The following TSEN2 variants were observed in gnomAD, a reference collection of about 807,000 sequenced individuals.
TSEN2 encodes the protein tRNA splicing endonuclease subunit 2.
TSEN2 carries 54 observed loss-of-function variants against 59.2 expected under a neutral mutation model. The ratio of observed to expected loss-of-function variants is 0.91; its 90% CI spans 0.73 to 1.14. The LOEUF (loss-of-function observed/expected upper bound fraction) is 1.14. Ranked by LOEUF, TSEN2 falls within the 50% of genes most tolerant of loss-of-function variation. The pLI is 0.00. For missense variants in TSEN2, 636 were observed against 576.2 expected (o/e 1.10, Z -1.06); for synonymous variants, 195 against 198.2 (o/e 0.98, Z 0.14).
chr3:12,512,413 C>T (rs1445392329), intron 6 of TSEN2, among the ~76,000 whole-genome samples: 1 of 152,198 alleles, frequency 6.6e-6, no homozygotes, highest in Admixed American at 6.5e-5. Context: ...CAGCTAATGA[C>T]ATTCAGTGAT....
At chr3:12,516,112 G>A (rs1206138225) in intron 6 of TSEN2, among the ~76,000 whole-genome samples, 3 of 151,988 alleles carry the variant, frequency 2.0e-5, no homozygotes, top group Non-Finnish European at 4.4e-5. Flanking sequence ...ACATTTGAAT[G>A]AACCATTTAT....
At chr3:12,528,966 A>G (rs922256102) in intron 9 of TSEN2, 42 bp downstream of exon 9, 14 of 1,610,170 alleles carry the variant, frequency 8.7e-6, no homozygotes, top group Non-Finnish European at 8.5e-6. Flanking sequence ...TTAAAGGGAC[A>G]CAAGGAATTT....
At chr3:12,524,552 T>G (rs2056924421) in intron 8 of TSEN2, among the ~76,000 whole-genome samples, 1 of 152,160 alleles carries the variant, frequency 6.6e-6, no homozygotes, top group Admixed American at 6.6e-5. Context: ...CACTTGACAT[T>G]AGATTTAGGG....
intron 8 of TSEN2, among the ~76,000 whole-genome samples, chr3:12,525,034 G>A (rs954873431): frequency 2.6e-5 from 4 of 152,074 alleles, no homozygotes; most frequent in African/African-American, 7.2e-5. Flanking sequence ...ATGAGCCACC[G>A]TGCCTGGCCT....
At chr3:12,502,848 C>A (rs1300694955) in intron 4 of TSEN2, among the ~76,000 whole-genome samples, 3 of 151,742 alleles carry the variant, frequency 2.0e-5, no homozygotes, top group African/African-American at 7.3e-5. Flanking sequence ...CCAAGGCGGG[C>A]GGATCGTGAG....
chr3:12,481,926 T>TGC (rs753987964), upstream of TSEN2, among the ~76,000 whole-genome samples: 1 of 34,860 alleles, frequency 2.9e-5, no homozygotes, highest in African/African-American at 5.5e-4. Flanking sequence ...TGTCTGCGTA[T>TGC]ATATATATAT....
chr3:12,516,062 G>T (rs1021242039), intron 6 of TSEN2, among the ~76,000 whole-genome samples: 1 of 152,026 alleles, frequency 6.6e-6, no homozygotes, highest in Non-Finnish European at 1.5e-5. Context: ...AAGCCAGTTT[G>T]TAACATTTGT....
Position 12,531,428 on chromosome 3 carries a change from G to A in TSEN2, c.1249-142G>A, listed in dbSNP as rs960211073. The A allele has an allele frequency of 6.3e-6, 4 of 634,430 alleles. No homozygotes were observed. The African/African-American group carries it at 7.3e-5, about 12-fold the overall frequency. The allele number at this position is 634,430 out of a possible 1,614,324, so 39.3% of individuals were successfully genotyped here. ...GTAAATCCCAGTTATGGTTTCCCCA[G>A]GAGGAAACTGATGTGCTCTGTGAGT... On this transcript the variant is annotated intron_variant, in intron 10 of 11. Transcript: ENST00000284995.
intron 6 of TSEN2, chr3:12,511,018 T>C (rs1014225008): frequency 2.6e-5 from 4 of 152,208 alleles, no homozygotes; most frequent in African/African-American, 9.6e-5. Context: ...GGTTTTGTTT[T>C]AAAAGCCTTT....
intron 1 of TSEN2, among the ~76,000 whole-genome samples, chr3:12,488,267 A>T (rs2052837270): frequency 6.6e-6 from 1 of 152,176 alleles, no homozygotes; most frequent in South Asian, 2.1e-4. Flanking sequence ...AATTAGTCTT[A>T]TTTTTTCCCT....
chr3:12,532,220 C>T (rs1261261951), intron 11 of TSEN2, among the ~76,000 whole-genome samples: 4 of 152,178 alleles, frequency 2.6e-5, no homozygotes, highest in African/African-American at 7.2e-5. Flanking sequence ...ACCTGCTGGT[C>T]GGTCTCCAGG....
At chr3:12,481,336 A>G (rs1437356742), upstream of TSEN2, among the ~76,000 whole-genome samples, 1 of 152,144 alleles carries the variant, frequency 6.6e-6, no homozygotes, top group Non-Finnish European at 1.5e-5. Context: ...TCACTGTCAC[A>G]GTCATCTGCA....
At chr3:12,521,782 C>T (rs377163179) in intron 8 of TSEN2, among the ~76,000 whole-genome samples, 10 of 152,150 alleles carry the variant, frequency 6.6e-5, no homozygotes, top group Admixed American at 5.2e-4. Context: ...GAGGCTGAGG[C>T]GGGCTGATCA....
At chr3:12,498,956 G>C (rs299646) in intron 4 of TSEN2, among the ~76,000 whole-genome samples, 97,986 of 152,020 alleles carry the variant, frequency 0.64, 34,163 homozygotes, top group African/African-American at 0.91. Flanking sequence ...GAGACAGGGT[G>C]TCGCTCTTGC....
chr3:12,486,719 C>G (rs891978716), intron 1 of TSEN2, among the ~76,000 whole-genome samples: 1 of 152,198 alleles, frequency 6.6e-6, no homozygotes. Flanking sequence ...GTCGCCCCCC[C>G]ATTTCCCACT....
At chr3:12,519,484 G>A (rs1465719650) in intron 8 of TSEN2, among the ~76,000 whole-genome samples, 2 of 152,160 alleles carry the variant, frequency 1.3e-5, no homozygotes, top group Admixed American at 6.5e-5. Flanking sequence ...CGTGGCTTAC[G>A]CATGTAATCC....
intron 8 of TSEN2, among the ~76,000 whole-genome samples, chr3:12,520,002 CTT>C (rs57040794): frequency 6.8e-6 from 1 of 146,136 alleles, no homozygotes; most frequent in African/African-American, 2.5e-5. Flanking sequence ...CGCTTACTGT[CTT>C]TTTTTTTTTT....
intron 6 of TSEN2, among the ~76,000 whole-genome samples, chr3:12,510,895 G>A (rs943702315): frequency 1.1e-4 from 17 of 152,132 alleles, no homozygotes; most frequent in African/African-American, 3.6e-4. Flanking sequence ...TTACAGCAGA[G>A]CCTTTTGATT....
At chr3:12,496,669 G>A (rs750942486) in intron 4 of TSEN2, 115 bp downstream of exon 4, 816 of 1,000,808 alleles carry the variant, frequency 8.2e-4, no homozygotes, top group Non-Finnish European at 1.2e-3. Context: ...TCTGTTTTTG[G>A]TAGTAGATGT....
Sources: gnomAD v4.1 joint callset for allele counts (sites outside exome capture counted in the v4.1 genomes callset) on GRCh38, gnomAD v4.1.1 for gene constraint, MANE v1.5 for transcripts, NCBI Gene and HGNC (gene_info 2026-07-23, HGNC 2026-07-21) for gene names.